ZNF765: variants seen among roughly 807,000 people sequenced by gnomAD.
ZNF765 encodes zinc finger protein 765.
ZNF765 carries 37 observed loss-of-function variants against 44.7 expected under a neutral mutation model. That is an observed-to-expected ratio of 0.83 (90% CI 0.64 to 1.09). The LOEUF is 1.09. Among genes scored for constraint, ZNF765 ranks in the 50% least tolerant of loss-of-function variants. The pLI is 0.00. For synonymous variants in ZNF765, 201 were observed against 213.7 expected, an observed-to-expected ratio of 0.94 and a Z score of 0.52; for missense variants, 594 against 626.1, an observed-to-expected ratio of 0.95 and a Z score of 0.55.
intron 3 of ZNF765, among the ~76,000 whole-genome samples, chr19:53,418,538 G>A (rs561565366): frequency 3.3e-5 from 5 of 152,196 alleles, no homozygotes; most frequent in Admixed American, 6.5e-5. Context: ...CAGAAGGATG[G>A]GTGAGGTGAC....
At position 53,410,278 on chromosome 19, in the gene ZNF765, G is replaced by C. The variant is rs1158512322; in HGVS notation, c.*1151G>C. The C allele has an allele frequency of 8.6e-5, 31 of 359,040 alleles. No homozygotes were observed. The Admixed American group carries it at 1.2e-3, about 14-fold the overall frequency. 22.2% of individuals were successfully genotyped at this position (359,040 alleles called of 1,614,324 possible). A position where few individuals can be genotyped will look rare whatever the true frequency, so the allele number is the denominator to read the frequency against. ...TTACAAATGTGAAGCATGTGACAAA[G>C]TTTACAGTCGCAAATCAAGCCTCCA... On this transcript the variant is annotated 3_prime_UTR_variant, in exon 4 of 4. Transcript: ENST00000396408.
At chr19:53,420,532 G>A (rs946126517) in intron 3 of ZNF765, among the ~76,000 whole-genome samples, 3 of 152,060 alleles carry the variant, frequency 2.0e-5, no homozygotes, top group African/African-American at 7.3e-5. Context: ...ACTGAAAATT[G>A]TGGGGAAAAG....
chr19:53,399,052 C>G (rs1465572429), intron 2 of ZNF765, among the ~76,000 whole-genome samples: 1 of 151,606 alleles, frequency 6.6e-6, no homozygotes, highest in African/African-American at 2.4e-5. Flanking sequence ...TGCCCAGCCC[C>G]AATGATTATT....
In ZNF765 at chr19:53,408,307, T is replaced by C; in HGVS notation, c.752T>C (p.Val251Ala). The C allele has an allele frequency of 1.2e-6, 2 of 1,614,190 alleles. No individual in the cohort carries two copies. Among genetic ancestry groups the C allele is most frequent in the Non-Finnish European group, 1.7e-6 (2 of 1,180,036 alleles). Residue 251 changes from valine (V) to alanine (A), a missense_variant, in exon 4 of 4, where the codon GTC becomes GCC. Physicochemically the swap from Val to Ala is moderately conservative, Grantham distance 64. Coordinates refer to ENST00000396408, the MANE Select transcript of ZNF765 (RefSeq NM_001040185.3). The stretch of plus-strand genomic sequence containing the variant: ...TATAAATGCGATATATGTGGCAAGG[T>C]CTTTAATTCGAAGCGATACGTTGCA... ...KQYKCDICGK[V>A]FNSKRYVARH...
downstream of ZNF765, among the ~76,000 whole-genome samples, chr19:53,415,948 GT>G (rs113617002): frequency 2.0e-5 from 1 of 49,522 alleles, no homozygotes; most frequent in African/African-American, 4.8e-5. Context: ...CTTTTGTTTT[GT>G]TTTGTTTTTT....
chr19:53,395,998 GAAAA>G (rs55835959), intron 1 of ZNF765, among the ~76,000 whole-genome samples: 1 of 144,202 alleles, frequency 6.9e-6, no homozygotes, highest in Non-Finnish European at 1.5e-5. Flanking sequence ...AAATGTGGGG[GAAAA>G]AAAAAAAAAG....
chr19:53,404,776 A>G (rs1015952908), intron 3 of ZNF765, among the ~76,000 whole-genome samples: 3 of 152,150 alleles, frequency 2.0e-5, no homozygotes, highest in African/African-American at 4.8e-5. Context: ...AAAGTTTTTA[A>G]AACACGTAAT....
chr19:53,402,248 C>CTTTT (rs72582439), intron 3 of ZNF765, 57 bp downstream of exon 3: 65 of 1,260,534 alleles, frequency 5.2e-5, no homozygotes, highest in South Asian at 3.0e-4. Flanking sequence ...ATTTTCTCTC[C>CTTTT]TTTTTTTTTT....
Position 53,408,427 on chromosome 19 carries a change from G to T in ZNF765, c.872G>T (p.Arg291Ile). ...ACATATTACCTAACATGCCATCGTA[G>T]ACTTCATACTGGAGAGAAACCTTAC... ...SQTYYLTCHRRLHTGEKPYKC... is the reference protein window; with the variant it reads ...SQTYYLTCHRILHTGEKPYKC... Residue 291 changes from arginine (R) to isoleucine (I), a missense_variant, in exon 4 of 4, where the codon AGA (arginine) becomes ATA (isoleucine). This residue lies in a region of ZNF765 where 567 missense variants were observed against 572.6 expected (regional missense o/e 0.99). Transcript: ENST00000396408. 6.2e-7 allele frequency: 1 copy of T among 1,614,014 alleles called. No homozygotes were observed. The highest frequency in any genetic ancestry group is 8.5e-7 in the Non-Finnish European group (1 of 1,179,994).
At chr19:53,398,570 C>G (rs2085693129) in intron 2 of ZNF765, among the ~76,000 whole-genome samples, 1 of 152,114 alleles carries the variant, frequency 6.6e-6, no homozygotes, top group South Asian at 2.1e-4. Flanking sequence ...ATGAATGATA[C>G]AAGATGTTTT....
chr19:53,401,888 A>G, intron 2 of ZNF765, 177 bp from the exon 3 acceptor site: 2 of 1,539,422 alleles, frequency 1.3e-6, no homozygotes, highest in Non-Finnish European at 1.8e-6. Context: ...AAAAAAAAAA[A>G]AAGAACTTTA....
chr19:53,401,687 G>T (rs1474277699), intron 2 of ZNF765, among the ~76,000 whole-genome samples: 2 of 152,078 alleles, frequency 1.3e-5, no homozygotes, highest in South Asian at 2.1e-4. Context: ...ACCAAACTGG[G>T]CAATATGGTG....
chr19:53,395,637 C>T (rs2085660029), intron 1 of ZNF765, among the ~76,000 whole-genome samples: 1 of 152,224 alleles, frequency 6.6e-6, no homozygotes, highest in Non-Finnish European at 1.5e-5. Flanking sequence ...TCTTAAGGCG[C>T]CGTGGCGCCG....
exon 4 of ZNF765, chr19:53,424,056 C>A (rs1044866542): frequency 6.6e-6 from 1 of 152,124 alleles, no homozygotes; most frequent in Non-Finnish European, 1.5e-5. Flanking sequence ...ATTTATGTGA[C>A]AAATAATAAA....
intron 3 of ZNF765, among the ~76,000 whole-genome samples, chr19:53,420,272 C>T (rs777178533): frequency 1.3e-5 from 2 of 148,790 alleles, no homozygotes; most frequent in East Asian, 2.0e-4. Flanking sequence ...TCAGAAGTTG[C>T]GGTGAGCCAA....
intron 3 of ZNF765, among the ~76,000 whole-genome samples, chr19:53,418,829 T>G (rs2085890345): frequency 7.2e-6 from 1 of 139,144 alleles, no homozygotes; most frequent in Non-Finnish European, 1.5e-5. Flanking sequence ...CGCTAGAACC[T>G]GGGGGGCGGA....
At chr19:53,417,794 C>G (rs1298793719) in intron 3 of ZNF765, among the ~76,000 whole-genome samples, 1 of 152,124 alleles carries the variant, frequency 6.6e-6, no homozygotes, top group Non-Finnish European at 1.5e-5. Context: ...TTCTTAGGTA[C>G]TTTGCCTGAT....
intron 3 of ZNF765, among the ~76,000 whole-genome samples, chr19:53,406,218 T>C (rs559643595): frequency 4.0e-4 from 61 of 150,874 alleles, no homozygotes; most frequent in Non-Finnish European, 6.5e-4. Flanking sequence ...TTTAGTAGAG[T>C]GGGGATTTCA....
Position 53,398,032 on chromosome 19 carries a change from T to A in ZNF765, c.15+2T>A, listed in dbSNP as rs2085687717. ...GAGTCAGGGATGGCTCTTCCTCAGG[T>A]GAGATGATATTCTTGGTGGATTGTT... On this transcript the variant is annotated splice_donor_variant, in intron 2 of 3. Coordinates refer to ENST00000396408, the MANE Select transcript of ZNF765 (RefSeq NM_001040185.3). LOFTEE classifies it high-confidence loss of function. The A allele has an allele frequency of 6.2e-7, 1 of 1,613,276 alleles. No individual in the cohort carries two copies. The highest frequency in any genetic ancestry group is 1.3e-5 in the African/African-American group (1 of 74,784).
Sources: allele counts gnomAD v4.1 joint callset (sites outside exome capture counted in the v4.1 genomes callset), GRCh38; gene constraint gnomAD v4.1.1; regional missense constraint gnomAD v4.1.1; transcripts MANE v1.5; gene names NCBI Gene and HGNC (gene_info 2026-07-23, HGNC 2026-07-21).